MAGI1: variants seen among roughly 807,000 people sequenced by gnomAD.
The protein encoded by MAGI1 is membrane-associated guanylate kinase, WW and PDZ domain-containing protein 1.
MAGI1 carries 58 observed loss-of-function variants against 139.9 expected under a neutral mutation model. The observed-to-expected ratio is 0.41, with a 90% confidence interval of 0.34 to 0.52. The LOEUF is 0.52. MAGI1 is among the 20% of genes least tolerant of loss of function. The pLI is 0.12. For missense variants in MAGI1, 1,874 were observed against 1,901.6 expected, an observed-to-expected ratio of 0.99 and a Z score of 0.27; for synonymous variants, 812 against 737.9, an observed-to-expected ratio of 1.10 and a Z score of -1.63.
At position 65,843,394 on chromosome 3, in the gene MAGI1, A is replaced by C. The variant is rs144585145; in HGVS notation, c.313+194602T>G. ...CTGACAGTCTGACTGTATCTTCATA[A>C]GAAACCTGAAGCTCAGGATCCCAAG... On this transcript the variant is annotated intron_variant, in intron 1 of 22. Transcript: ENST00000402939. Among the ~76,000 whole-genome samples the C allele has an allele frequency of 2.6e-3, 403 of 152,340 alleles. 6 individuals carry two copies. The highest frequency in any genetic ancestry group is 9.2e-3 in the African/African-American group (381 of 41,588).
chr3:66,014,945 A>G (rs528847854), intron 1 of MAGI1, among the ~76,000 whole-genome samples: 10 of 152,280 alleles, frequency 6.6e-5, no homozygotes, highest in African/African-American at 2.4e-4. Flanking sequence ...CCTTAAGGCC[A>G]GTTCTAACCC....
chr3:65,845,303 T>C (rs2058951926), intron 1 of MAGI1, among the ~76,000 whole-genome samples: 1 of 151,388 alleles, frequency 6.6e-6, no homozygotes, highest in African/African-American at 2.4e-5. Context: ...AAGAAAGCAA[T>C]CCTTGGGCAC....
chr3:65,490,641 C>T (rs1951941170), intron 3 of MAGI1, among the ~76,000 whole-genome samples: 2 of 151,756 alleles, frequency 1.3e-5, no homozygotes, highest in Admixed American at 6.6e-5. Context: ...GTCATGAGAT[C>T]GAGACCATCC....
At chr3:65,554,722 G>T (rs2080005755) in intron 2 of MAGI1, among the ~76,000 whole-genome samples, 1 of 152,138 alleles carries the variant, frequency 6.6e-6, no homozygotes, top group Admixed American at 6.5e-5. Context: ...AATCTTTCTA[G>T]CACAAAGAAC....
At position 65,806,859 on chromosome 3, in the gene MAGI1, T is replaced by G. The variant is rs72894154; in HGVS notation, c.314-184771A>C. On this transcript the variant is annotated intron_variant, in intron 1 of 22. Transcript: ENST00000402939. ...TTCCAGACATTCCAAATGTCCCCCT[T>G]GAAGAGGGGAGGGAGGAGACAGTGC... 2.0e-3 allele frequency among the ~76,000 whole-genome samples: 298 copies of G among 152,254 alleles called. 1 individual carries two copies. The highest frequency in any genetic ancestry group is 6.5e-3 in the African/African-American group (270 of 41,542).
At chr3:65,774,129 C>T (rs1424681493) in intron 1 of MAGI1, among the ~76,000 whole-genome samples, 1 of 151,186 alleles carries the variant, frequency 6.6e-6, no homozygotes, top group Non-Finnish European at 1.5e-5. Context: ...AAATTAATTG[C>T]TAACAATAAG....
intron 1 of MAGI1, among the ~76,000 whole-genome samples, chr3:65,924,199 T>C (rs1379616772): frequency 2.0e-5 from 3 of 152,344 alleles, no homozygotes; most frequent in South Asian, 4.1e-4. Flanking sequence ...TAGGAAGATT[T>C]AAATGATTTA....
Position 65,358,922 on chromosome 3 carries a change from C to A in MAGI1, c.3635-1790G>T, listed in dbSNP as rs1940490724. On this transcript the variant is annotated intron_variant, in intron 22 of 22. Transcript: ENST00000402939. ...AAGACAAGGGAAGGCAACACTTCAA[C>A]AGGGTCAGCGTTGTACTTACAATTC... 3 of 755,034 alleles carry A rather than the reference C, an allele frequency of 4.0e-6. No homozygotes were observed. In the South Asian group the frequency reaches 5.2e-5, roughly 13 times the overall value. The allele number at this position is 755,034 out of a possible 1,614,324, so 46.8% of individuals were successfully genotyped here.
intron 5 of MAGI1, among the ~76,000 whole-genome samples, chr3:65,454,950 G>A (rs1249815677): frequency 6.6e-6 from 1 of 152,046 alleles, no homozygotes; most frequent in Non-Finnish European, 1.5e-5. Flanking sequence ...ATAATAGAAA[G>A]GTAAAGCAAT....
At chr3:65,765,426 C>T (rs556667688) in intron 1 of MAGI1, among the ~76,000 whole-genome samples, 42 of 152,264 alleles carry the variant, frequency 2.8e-4, no homozygotes, top group African/African-American at 9.9e-4. Flanking sequence ...GCTCCAGAGT[C>T]TCATTAATGC....
chr3:65,404,058 T>C (rs1330451474), intron 12 of MAGI1, among the ~76,000 whole-genome samples: 1 of 152,154 alleles, frequency 6.6e-6, no homozygotes, highest in Non-Finnish European at 1.5e-5. Context: ...CAAACACATG[T>C]GTGGCTTTTG....
intron 1 of MAGI1, among the ~76,000 whole-genome samples, chr3:65,948,091 G>A (rs964278893): frequency 6.6e-6 from 1 of 151,762 alleles, no homozygotes; most frequent in African/African-American, 2.4e-5. Context: ...ACAGGCACAT[G>A]CCACCACACC....
intron 2 of MAGI1, among the ~76,000 whole-genome samples, chr3:65,611,261 A>G (rs1324172347): frequency 7.1e-6 from 1 of 141,794 alleles, no homozygotes; most frequent in Non-Finnish European, 1.5e-5. Flanking sequence ...ATACATATAT[A>G]GTATATATAC....
chr3:65,442,947 A>C (rs1260464531), intron 7 of MAGI1, 98 bp from the exon 8 acceptor site: 2 of 833,376 alleles, frequency 2.4e-6, no homozygotes, highest in Non-Finnish European at 4.0e-6. Flanking sequence ...AAGACTCATA[A>C]AAATGCTTTA....
chr3:65,678,639 A>T (rs2087357546), intron 1 of MAGI1, among the ~76,000 whole-genome samples: 1 of 152,166 alleles, frequency 6.6e-6, no homozygotes, highest in Non-Finnish European at 1.5e-5. Flanking sequence ...TGGTTAACTG[A>T]CACTAACCCA....
Position 66,001,865 on chromosome 3 carries a change from G to A in MAGI1, c.313+36131C>T, listed in dbSNP as rs561397877. Among the ~76,000 whole-genome samples, 10 of 152,260 alleles carry A rather than the reference G, an allele frequency of 6.6e-5. No homozygotes were observed. The East Asian group carries it at 7.7e-4, about 12-fold the overall frequency. ...GCTGTTAAAGCCTTTAGAAAAACAC[G>A]GAAGCTGAAAGCTCTCACATATATT... On this transcript the variant is annotated intron_variant, in intron 1 of 22. Coordinates refer to ENST00000402939, the MANE Select transcript of MAGI1 (RefSeq NM_001033057.2).
intron 1 of MAGI1, among the ~76,000 whole-genome samples, chr3:65,851,626 G>C (rs1213322868): frequency 6.6e-6 from 1 of 152,078 alleles, no homozygotes; most frequent in Non-Finnish European, 1.5e-5. Context: ...GCATACACCT[G>C]TCATCCCAGC....
chr3:65,565,509 A>G (rs2080574011), intron 2 of MAGI1, among the ~76,000 whole-genome samples: 2 of 152,132 alleles, frequency 1.3e-5, no homozygotes, highest in Admixed American at 6.6e-5. Context: ...CAGATCCTCA[A>G]CTTCTCCAGT....
At chr3:65,572,420 A>G (rs989682328) in intron 2 of MAGI1, among the ~76,000 whole-genome samples, 3 of 152,158 alleles carry the variant, frequency 2.0e-5, no homozygotes, top group Non-Finnish European at 4.4e-5. Flanking sequence ...TCCAGAGTGC[A>G]TTCTATTGCA....
Sources: allele counts gnomAD v4.1 joint callset (sites outside exome capture counted in the v4.1 genomes callset), GRCh38; gene constraint gnomAD v4.1.1; transcripts MANE v1.5; gene names NCBI Gene and HGNC (gene_info 2026-07-23, HGNC 2026-07-21).